Variants in ZNF578 observed in about 807,000 individuals in gnomAD.
The protein encoded by ZNF578 is zinc finger protein 578.
A neutral mutation model predicts 8.3 loss-of-function variants in ZNF578; 8 were observed. That is an observed-to-expected ratio of 0.96 (90% CI 0.56 to 1.74). The LOEUF (loss-of-function observed/expected upper bound fraction) is 1.74. Among genes scored for constraint, ZNF578 ranks in the 40% most tolerant of loss-of-function variants. The pLI is 0.00. For missense variants in ZNF578, 726 were observed against 707.5 expected, an observed-to-expected ratio of 1.03 and a Z score of -0.30; for synonymous variants, 206 against 232.2, an observed-to-expected ratio of 0.89 and a Z score of 1.03.
chr19:52,489,524 G>A (rs2059357923), intron 2 of ZNF578, among the ~76,000 whole-genome samples: 2 of 151,914 alleles, frequency 1.3e-5, no homozygotes, highest in South Asian at 2.1e-4. Flanking sequence ...GGAGGCAAAG[G>A]TTGCGGTGAG....
At chr19:52,493,144 G>C (rs560072805) in intron 3 of ZNF578, among the ~76,000 whole-genome samples, 1 of 152,136 alleles carries the variant, frequency 6.6e-6, no homozygotes, top group Non-Finnish European at 1.5e-5. Context: ...CCCGCCCCGT[G>C]CTTCTTAAAG....
rs1263337374 is a variant in ZNF578 at position 52,511,475 on chromosome 19, A to T, written c.1094A>T (p.His365Leu). Residue 365 changes from histidine (H) to leucine (L), a missense_variant, in exon 6 of 6, where the codon CAT becomes CTT. His to Leu is a moderately conservative substitution (Grantham distance 99, BLOSUM62 -3). Coordinates refer to ENST00000421239, the MANE Select transcript of ZNF578 (RefSeq NM_001099694.2). ...TCCCTTAGATGCCATCGTAGACTTC[A>T]TACTGGAATAAAACCTTACAAGTGT... ...KSSLRCHRRLHTGIKPYKCNE... is the reference protein window; with the variant it reads ...KSSLRCHRRLLTGIKPYKCNE... 1 of 1,614,124 alleles carries T rather than the reference A, an allele frequency of 6.2e-7. No homozygotes were observed. The highest frequency in any genetic ancestry group is 8.5e-7 in the Non-Finnish European group (1 of 1,179,958).
intron 4 of ZNF578, among the ~76,000 whole-genome samples, chr19:52,503,894 T>A (rs947241902): frequency 6.6e-6 from 1 of 150,696 alleles, no homozygotes; most frequent in Non-Finnish European, 1.5e-5. Flanking sequence ...GCCTCCCGGA[T>A]TCAAGCGATC....
At position 52,511,110 on chromosome 19, in the gene ZNF578, C is replaced by A. The variant is rs370901144; in HGVS notation, c.729C>A (p.Ser243Arg). Reference sequence around the variant, plus strand: ...AGACTGGCGAAGCCTTTAATTGTAGCTCATTTGTAAGGAAACATCAGATAA... The same window carrying A: ...AGACTGGCGAAGCCTTTAATTGTAGATCATTTGTAAGGAAACATCAGATAA... ...CNETGEAFNC[S>R]SFVRKHQIIH... The change falls in exon 6 of 6, where the codon AGC becomes AGA. Residue 243 changes from serine (S) to arginine (R), a missense_variant. Transcript: ENST00000421239. 77 of 1,613,970 alleles carry A rather than the reference C, an allele frequency of 4.8e-5. No homozygotes were observed. The highest frequency in any genetic ancestry group is 5.5e-5 in the Non-Finnish European group (65 of 1,179,970).
chr19:52,506,485 T>A (rs1470442693), intron 5 of ZNF578, among the ~76,000 whole-genome samples: 3 of 146,954 alleles, frequency 2.0e-5, no homozygotes, highest in Non-Finnish European at 4.5e-5. Context: ...TTTTTTTTTT[T>A]AAGATGGAGT....
rs376846158 is a variant in ZNF578, at chr19:52,511,208, G to A, written c.827G>A (p.Arg276His). Residue 276 changes from arginine (R) to histidine (H), a missense_variant, in exon 6 of 6, where the codon CGC (arginine) becomes CAC (histidine). Physicochemically the swap from Arg to His is conservative, Grantham distance 29 (BLOSUM62 0). Coordinates refer to ENST00000421239, the MANE Select transcript of ZNF578 (RefSeq NM_001099694.2). Reference protein sequence around the residue: ...KVFNEKRYLARHRRCHTSEKP... With the variant: ...KVFNEKRYLAHHRRCHTSEKP... ...TTTAATGAGAAGCGATACCTTGCAC[G>A]CCATCGTAGATGTCACACTAGTGAG... The A allele has an allele frequency of 5.0e-5, 80 of 1,614,192 alleles. No individual in the cohort carries two copies. The highest frequency in any genetic ancestry group is 1.6e-4 in the Middle Eastern group (1 of 6,062).
intron 2 of ZNF578, among the ~76,000 whole-genome samples, chr19:52,489,935 C>A (rs1223726182): frequency 6.6e-6 from 1 of 152,132 alleles, no homozygotes; most frequent in Non-Finnish European, 1.5e-5. Flanking sequence ...GGATTACAGG[C>A]GTGAGCCACC....
chr19:52,469,682 A>C (rs1411922385), intron 2 of ZNF578, among the ~76,000 whole-genome samples: 1 of 152,194 alleles, frequency 6.6e-6, no homozygotes, highest in Non-Finnish European at 1.5e-5. Context: ...TAGTGACTTT[A>C]TACATGATAC....
chr19:52,482,921 A>G (rs1471980368), intron 2 of ZNF578, among the ~76,000 whole-genome samples: 2 of 147,888 alleles, frequency 1.4e-5, no homozygotes, highest in African/African-American at 5.1e-5. Flanking sequence ...AGCCTGGGTG[A>G]CAGAGTGAGA....
chr19:52,471,881 C>G (rs1344198160), intron 2 of ZNF578, among the ~76,000 whole-genome samples: 1 of 152,112 alleles, frequency 6.6e-6, no homozygotes, highest in Non-Finnish European at 1.5e-5. Context: ...AAACAATACT[C>G]ATTTTGTGTG....
chr19:52,504,073 G>C (rs959981696), intron 4 of ZNF578, among the ~76,000 whole-genome samples: 10 of 151,860 alleles, frequency 6.6e-5, no homozygotes, highest in African/African-American at 2.2e-4. Flanking sequence ...TGGGATTACA[G>C]GTGAGAGCCA....
intron 2 of ZNF578, among the ~76,000 whole-genome samples, chr19:52,476,918 G>T (rs2059309954): frequency 6.6e-6 from 1 of 152,218 alleles, no homozygotes; most frequent in South Asian, 2.1e-4. Flanking sequence ...GGTTGGGATA[G>T]ATTTCCCATG....
intron 2 of ZNF578, chr19:52,475,353 CT>C (rs367763536): frequency 0.021 from 3,076 of 144,600 alleles, 60 homozygotes; most frequent in African/African-American, 0.057. Flanking sequence ...TTCTTTCTTT[CT>C]TTTTTTTTTT....
chr19:52,488,868 A>T (rs569638561), intron 2 of ZNF578, among the ~76,000 whole-genome samples: 4 of 151,954 alleles, frequency 2.6e-5, no homozygotes, highest in African/African-American at 9.6e-5. Context: ...TTTGGGAGCA[A>T]ATCACTGAAG....
chr19:52,478,350 G>A (rs937750290), intron 2 of ZNF578, among the ~76,000 whole-genome samples: 3 of 152,064 alleles, frequency 2.0e-5, no homozygotes, highest in African/African-American at 4.8e-5. Flanking sequence ...TATTTGTATC[G>A]GGCCTTATGG....
chr19:52,501,028 G>A (rs1428757899), intron 3 of ZNF578, among the ~76,000 whole-genome samples: 4 of 151,904 alleles, frequency 2.6e-5, no homozygotes, highest in East Asian at 3.9e-4. Context: ...ATGGGCACCC[G>A]CTACCATGCC....
rs116095800 is a variant in ZNF578 at position 52,469,396 on chromosome 19, G to C, written c.-122+12438G>C. On this transcript the variant is annotated intron_variant, in intron 2 of 5. Transcript: ENST00000421239. ...GCTGATCTCGAACTCCCGAGCTCAA[G>C]TAATCCACCTGCCTTGGCCTCCCAA... 1.9e-3 allele frequency among the ~76,000 whole-genome samples: 292 copies of C among 152,236 alleles called. 1 individual carries two copies. The highest frequency in any genetic ancestry group is 6.6e-3 in the African/African-American group (273 of 41,554).
intron 2 of ZNF578, among the ~76,000 whole-genome samples, chr19:52,470,109 TG>T (rs1173770422): frequency 6.6e-6 from 1 of 152,190 alleles, no homozygotes; most frequent in Non-Finnish European, 1.5e-5. Flanking sequence ...CCCCTCATGG[TG>T]GCAACATCTT....
intron 3 of ZNF578, among the ~76,000 whole-genome samples, chr19:52,496,942 T>G (rs1440039313): frequency 6.6e-6 from 1 of 151,944 alleles, no homozygotes. Context: ...CAGCCTTTAA[T>G]TTTTATTTTT....
Sources: gnomAD v4.1 joint callset for allele counts (sites outside exome capture counted in the v4.1 genomes callset) on GRCh38, gnomAD v4.1.1 for gene constraint, MANE v1.5 for transcripts, NCBI Gene and HGNC (gene_info 2026-07-23, HGNC 2026-07-21) for gene names.